Variants in NDRG2 observed in about 807,000 individuals in gnomAD.
NDRG2 encodes the protein NDRG family member 2.
NDRG2 carries 34 observed loss-of-function variants against 58.2 expected under a neutral mutation model. The observed-to-expected ratio is 0.58, with a 90% confidence interval of 0.44 to 0.78. The LOEUF (loss-of-function observed/expected upper bound fraction) is 0.78, where lower values mean the gene tolerates loss of function less well. NDRG2 is among the 30% of genes least tolerant of loss of function. The probability of loss-of-function intolerance (pLI) is 0.00; values close to 1 mark genes in which losing one functional copy is unlikely to be tolerated. For synonymous variants in NDRG2, 187 were observed against 175.9 expected (o/e 1.06, Z -0.50); for missense variants, 434 against 471.2 (o/e 0.92, Z 0.73).
At chr14:21,023,046 G>A (rs1881575341) in intron 2 of NDRG2, 141 bp from the exon 3 acceptor site, 6 of 1,099,318 alleles carry the variant, frequency 5.5e-6, no homozygotes, top group African/African-American at 3.1e-5. Flanking sequence ...AGAGAGACAC[G>A]GAAAGGATGA....
At chr14:21,067,761 TACACACACACACAC>T (rs3061993) in intron 1 of NDRG2, among the ~76,000 whole-genome samples, 1 of 150,022 alleles carries the variant, frequency 6.7e-6, no homozygotes, top group South Asian at 2.1e-4. Context: ...TGTACACACG[TACACACACACACAC>T]ACACACACAC....
Position 21,017,425 on chromosome 14 carries a change from A to G in NDRG2, c.*171T>C. 1.4e-6 allele frequency: 1 copy of G among 728,604 alleles called. No individual in the cohort carries two copies. Among genetic ancestry groups the G allele is most frequent in the Admixed American group, 2.9e-5 (1 of 34,016 alleles). The allele number at this position is 728,604 out of a possible 1,614,324, so 45.1% of individuals were successfully genotyped here. A position where few individuals can be genotyped will look rare whatever the true frequency, so the allele number is the denominator to read the frequency against. ...GACATCTCTTCCAGGAGCTGGGGGG[A>G]ATCACGGGTTAAAGGTCAAGGTTAG... On this transcript the variant is annotated 3_prime_UTR_variant, in exon 16 of 16. Transcript: ENST00000556147.
At chr14:21,039,729 G>A (rs956377296) in intron 1 of NDRG2, among the ~76,000 whole-genome samples, 7 of 152,158 alleles carry the variant, frequency 4.6e-5, no homozygotes, top group African/African-American at 1.7e-4. Context: ...ACTCAATTTC[G>A]ATTTTCATGT....
intron 1 of NDRG2, among the ~76,000 whole-genome samples, chr14:21,042,048 G>A (rs2139111729): frequency 6.6e-6 from 1 of 152,300 alleles, no homozygotes; most frequent in Admixed American, 6.5e-5. Flanking sequence ...GTATATGAGA[G>A]GATATGAATG....
At chr14:21,035,095 A>T (rs778371619) in intron 1 of NDRG2, among the ~76,000 whole-genome samples, 1 of 152,216 alleles carries the variant, frequency 6.6e-6, no homozygotes, top group Non-Finnish European at 1.5e-5. Context: ...CACTCACGGG[A>T]GCCCAGGAGG....
intron 1 of NDRG2, among the ~76,000 whole-genome samples, chr14:21,037,276 G>A (rs1244278661): frequency 1.3e-5 from 2 of 152,242 alleles, no homozygotes; most frequent in African/African-American, 4.8e-5. Flanking sequence ...TCCTGTCCTA[G>A]AGGTGCTGAT....
Position 21,024,199 on chromosome 14 carries a change from C to G in NDRG2, c.-176G>C, listed in dbSNP as rs752860202. On this transcript the variant is annotated 5_prime_UTR_variant, in exon 1 of 16. Transcript: ENST00000556147. ...GACCCAGACTCCCAGGGTCATCAAC[C>G]TCCTCGGGTCACTAACCCTCCCCAG... 1 of 985,388 alleles carries G rather than the reference C, an allele frequency of 1.0e-6. No homozygotes were observed. The highest frequency in any genetic ancestry group is 6.1e-5 in the Admixed American group (1 of 16,262). 61.0% of individuals were successfully genotyped at this position (985,388 alleles called of 1,614,324 possible).
chr14:21,019,628 A>C lies in NDRG2; in HGVS notation c.716+11T>G, dbSNP rs192161335. ...ATTTCTCTCACATGCATACACACAC[A>C]GCCCACCCACTTGTTGTAGCTGTTC... On this transcript the variant is annotated intron_variant, in intron 10 of 15. Coordinates refer to ENST00000556147, the MANE Select transcript of NDRG2 (RefSeq NM_001320329.2). The C allele has an allele frequency of 4.5e-5, 72 of 1,582,826 alleles. 1 individual carries two copies. In the Admixed American group the frequency reaches 1.2e-3, roughly 25 times the overall value.
chr14:21,022,837 A>C (rs754727671), intron 3 of NDRG2, 27 bp downstream of exon 3: 4 of 1,611,634 alleles, frequency 2.5e-6, no homozygotes, highest in Non-Finnish European at 3.4e-6. Context: ...CCCTCCTCCC[A>C]CCTTGGGACT....
At chr14:21,069,840 G>A (rs904388336) in intron 1 of NDRG2, among the ~76,000 whole-genome samples, 7 of 152,244 alleles carry the variant, frequency 4.6e-5, no homozygotes, top group African/African-American at 1.7e-4. Context: ...GTTGAGAGAA[G>A]AGGATCCCGG....
At chr14:21,025,632 G>T (rs1446589448), upstream of NDRG2, 1 of 985,422 alleles carries the variant, frequency 1.0e-6, no homozygotes, top group East Asian at 1.1e-4. The surrounding 1 kb of genome is among the most constrained non-coding windows in gnomAD (Gnocchi z 5.1). Context: ...GGGGAACGTC[G>T]AGGGCGCAGG....
intron 1 of NDRG2, among the ~76,000 whole-genome samples, chr14:21,067,110 T>C (rs1014114400): frequency 1.3e-5 from 2 of 152,152 alleles, no homozygotes. Context: ...CTCCATAAGA[T>C]GGCAGTCATA....
chr14:21,045,178 T>C (rs1470053272), intron 1 of NDRG2, among the ~76,000 whole-genome samples: 2 of 152,112 alleles, frequency 1.3e-5, no homozygotes, highest in South Asian at 4.1e-4. Flanking sequence ...GCCAGAGTGA[T>C]GATCATGAGT....
chr14:21,047,744 G>A (rs1035019137), intron 1 of NDRG2, among the ~76,000 whole-genome samples: 1 of 152,190 alleles, frequency 6.6e-6, no homozygotes, highest in Admixed American at 6.5e-5. Context: ...CGGAAATGGA[G>A]TTCAGTAAAG....
At position 21,020,834 on chromosome 14, in the gene NDRG2, T is replaced by C; in HGVS notation, c.418A>G (p.Ile140Val). 1 of 1,613,380 alleles carries C rather than the reference T, an allele frequency of 6.2e-7. No individual in the cohort carries two copies. ...CCAGCTCCAACACCAACTCCAATTATTGTAGAGAAACTGTGAAAGGGAAAG... is the reference window on the plus strand; with the variant it reads ...CCAGCTCCAACACCAACTCCAATTACTGTAGAGAAACTGTGAAAGGGAAAG... ...CVLQYLNFST[I>V]IGVGVGAGAY... Residue 140 changes from isoleucine (I) to valine (V), a missense_variant, in exon 7 of 16, where the codon ATA (isoleucine) becomes GTA (valine). Ile to Val is a conservative substitution (Grantham distance 29, BLOSUM62 3). Coordinates refer to ENST00000556147, the MANE Select transcript of NDRG2 (RefSeq NM_001320329.2).
chr14:21,058,378 C>T (rs746468495), intron 1 of NDRG2: 7 of 1,524,778 alleles, frequency 4.6e-6, no homozygotes, highest in Admixed American at 3.5e-5. Context: ...CCACGTTCCA[C>T]CTCACACTCT....
At chr14:21,030,776 G>T (rs750560095), upstream of NDRG2, 27 of 1,611,042 alleles carry the variant, frequency 1.7e-5, no homozygotes, top group Non-Finnish European at 2.2e-5. Context: ...AAAATATGGA[G>T]GTGGGGGTGA....
At chr14:21,066,299 C>CT (rs35527465) in intron 1 of NDRG2, among the ~76,000 whole-genome samples, 14 of 148,242 alleles carry the variant, frequency 9.4e-5, no homozygotes, top group Admixed American at 2.7e-4. Context: ...TTATTTGGAT[C>CT]TTTTTTTTTT....
chr14:21,031,805 T>C, intron 1 of NDRG2: 1 of 1,441,502 alleles, frequency 6.9e-7, no homozygotes, highest in South Asian at 1.4e-5. Flanking sequence ...TCCAAGCACT[T>C]GTTCTAAGTA....
Sources: gnomAD v4.1 joint callset for allele counts (sites outside exome capture counted in the v4.1 genomes callset) on GRCh38, gnomAD v4.1.1 for gene constraint, Gnocchi (gnomAD v3.1) non-coding constraint, MANE v1.5 for transcripts, NCBI Gene and HGNC (gene_info 2026-07-23, HGNC 2026-07-21) for gene names.